PHF20L1: variants seen among roughly 807,000 people sequenced by gnomAD.
PHF20L1 encodes PHD finger protein 20-like protein 1.
PHF20L1 carries 44 observed loss-of-function variants against 125.5 expected under a neutral mutation model. The ratio of observed to expected loss-of-function variants is 0.35; its 90% CI spans 0.28 to 0.45. The LOEUF is 0.45. Among genes scored for constraint, PHF20L1 ranks in the 20% least tolerant of loss-of-function variants. PHF20L1 has a pLI of 1.00. For synonymous variants in PHF20L1, 380 were observed against 403.1 expected (o/e 0.94, Z 0.69); for missense variants, 1,012 against 1,217.2 (o/e 0.83, Z 2.51).
Position 132,840,183 on chromosome 8 carries a change from G to A in PHF20L1, c.2387+601G>A, listed in dbSNP as rs537783729. Among the ~76,000 whole-genome samples, 6 of 152,128 alleles carry A rather than the reference G, an allele frequency of 3.9e-5. No individual in the cohort carries two copies. The East Asian group carries it at 1.2e-3, about 29-fold the overall frequency. ...AAACAAACAAAAACCCACATTTTAG[G>A]TAAAAACAGGATGATTCACTGGTTC... On this transcript the variant is annotated intron_variant, in intron 18 of 20. Transcript: ENST00000395386.
intron 12 of PHF20L1, 151 bp downstream of exon 12, chr8:132,817,696 C>A: frequency 1.6e-6 from 1 of 610,468 alleles, no homozygotes; most frequent in East Asian, 2.8e-5. Context: ...AGAGTTTCAT[C>A]TCCGTTTTAA....
chr8:132,821,320 T>C (rs934340743), intron 12 of PHF20L1, among the ~76,000 whole-genome samples: 4 of 151,954 alleles, frequency 2.6e-5, no homozygotes, highest in Admixed American at 6.6e-5. Context: ...ATATTATCGA[T>C]TGGTTAATAT....
chr8:132,798,681 T>G, intron 4 of PHF20L1, 91 bp from the exon 5 acceptor site: 2 of 743,106 alleles, frequency 2.7e-6, no homozygotes, highest in South Asian at 4.0e-5. Flanking sequence ...CCTAAAGCAT[T>G]TATCTATACA....
At chr8:132,778,600 T>C (rs540046554) in intron 2 of PHF20L1, among the ~76,000 whole-genome samples, 4 of 152,266 alleles carry the variant, frequency 2.6e-5, no homozygotes, top group African/African-American at 7.2e-5. Context: ...AGTTGATGAA[T>C]TGGTATAAAA....
chr8:132,803,977 A>G lies in PHF20L1; in HGVS notation c.666A>G (p.Ile222Met), dbSNP rs746137501. The change falls in exon 7 of 21, where the codon ATA becomes ATG. Residue 222 changes from isoleucine (I) to methionine (M), a missense_variant. Coordinates refer to ENST00000395386, the MANE Select transcript of PHF20L1 (RefSeq NM_016018.5). ...AGAAGGAGGAAACTTCAACTTGTAT[A>G]GCCACACCAGACGTAGAGAAGAAGG... ...PSKKEETSTC[I>M]ATPDVEKKED... is the part of the protein sequence containing the mutation. 5.0e-6 allele frequency: 8 copies of G among 1,612,256 alleles called. No individual in the cohort carries two copies. The highest frequency in any genetic ancestry group is 1.7e-5 in the Admixed American group (1 of 59,896).
intron 2 of PHF20L1, among the ~76,000 whole-genome samples, chr8:132,784,404 C>T (rs1440521865): frequency 6.6e-6 from 1 of 152,072 alleles, no homozygotes; most frequent in Non-Finnish European, 1.5e-5. Context: ...CTTTAATGAC[C>T]TTGAAATGAA....
At chr8:132,791,254 CTTTTT>C (rs1184118420) in intron 2 of PHF20L1, among the ~76,000 whole-genome samples, 1 of 117,132 alleles carries the variant, frequency 8.5e-6, no homozygotes, top group Non-Finnish European at 1.7e-5. Flanking sequence ...GAGTTATTTC[CTTTTT>C]TTTTTTTTTT....
chr8:132,838,305 G>T (rs1837585829), intron 17 of PHF20L1: 1 of 169,346 alleles, frequency 5.9e-6, no homozygotes, highest in African/African-American at 2.4e-5. Context: ...GCTTATTTGT[G>T]GCAATCGGAG....
Position 132,844,251 on chromosome 8 carries a change from T to G in PHF20L1, c.2844T>G (p.Leu948=). ...DSHLQWQLNL[L]THIENVQNEV... ...ATCTTCAGTGGCAGCTCAATCTCCT[T>G]ACACACATAGAAAATGTGCAGAACG... Residue 948 remains leucine, a synonymous_variant, in exon 20 of 21, where the codon CTT becomes CTG. Coordinates refer to ENST00000395386, the MANE Select transcript of PHF20L1 (RefSeq NM_016018.5). The G allele has an allele frequency of 1.2e-6, 2 of 1,612,784 alleles. No individual in the cohort carries two copies. The highest frequency in any genetic ancestry group is 1.7e-6 in the Non-Finnish European group (2 of 1,179,088).
intron 13 of PHF20L1, chr8:132,824,779 A>G (rs944427631): frequency 5.4e-6 from 1 of 186,584 alleles, no homozygotes; most frequent in African/African-American, 2.3e-5. Flanking sequence ...TTAAACACAC[A>G]AAGAATGTAA....
At chr8:132,792,127 A>AT (rs1325732242) in intron 2 of PHF20L1, among the ~76,000 whole-genome samples, 4 of 152,126 alleles carry the variant, frequency 2.6e-5, no homozygotes, top group Admixed American at 6.5e-5. Flanking sequence ...TAAACTCCTT[A>AT]TTTTTTTATT....
At chr8:132,779,584 C>T (rs552916667) in intron 2 of PHF20L1, among the ~76,000 whole-genome samples, 62 of 152,210 alleles carry the variant, frequency 4.1e-4, no homozygotes, top group African/African-American at 1.4e-3. Flanking sequence ...TCCCAACTGA[C>T]GGTGTTGCAG....
At chr8:132,800,264 C>T (rs1466022923) in intron 6 of PHF20L1, among the ~76,000 whole-genome samples, 1 of 151,522 alleles carries the variant, frequency 6.6e-6, no homozygotes, top group Non-Finnish European at 1.5e-5. Context: ...CACTATGATG[C>T]ATTATAACAT....
rs1007883719 is a variant in PHF20L1 at position 132,848,330 on chromosome 8, T to C, written c.*2407T>C. On this transcript the variant is annotated 3_prime_UTR_variant, in exon 21 of 21. Transcript: ENST00000395386. ...ATTTAATATAGAGTATACCAATCGA[T>C]TGAAGCCTTTCACAAGTAGTGCGCT... is the stretch of plus-strand genomic sequence containing the variant. 9.2e-5 allele frequency: 14 copies of C among 152,688 alleles called. No homozygotes were observed. The highest frequency in any genetic ancestry group is 1.5e-4 in the Non-Finnish European group (10 of 67,964). 9.5% of individuals were successfully genotyped at this position (152,688 alleles called of 1,614,324 possible).
intron 12 of PHF20L1, chr8:132,818,514 C>T (rs1441521446): frequency 6.6e-6 from 1 of 151,776 alleles, no homozygotes; most frequent in Non-Finnish European, 1.5e-5. Context: ...ACATAAGAGA[C>T]ATATACTTAT....
chr8:132,845,421 G>A (rs1838337670), intron 20 of PHF20L1, among the ~76,000 whole-genome samples: 1 of 151,990 alleles, frequency 6.6e-6, no homozygotes, highest in African/African-American at 2.4e-5. Context: ...ATAGGGAACT[G>A]TTGTTATCTT....
chr8:132,794,869 C>T (rs1832195674), intron 4 of PHF20L1, 52 bp downstream of exon 4: 2 of 1,164,850 alleles, frequency 1.7e-6, no homozygotes, highest in East Asian at 2.4e-5. Context: ...AGTAAAATTT[C>T]ACTGTATTTT....
intron 9 of PHF20L1, chr8:132,811,950 T>A (rs905097035): frequency 2.2e-5 from 22 of 979,892 alleles, no homozygotes; most frequent in African/African-American, 3.5e-5. Flanking sequence ...CTCCTCTAGA[T>A]GCGTTTTAAA....
At chr8:132,805,623 C>CT (rs1833599452) in intron 8 of PHF20L1, among the ~76,000 whole-genome samples, 1 of 151,876 alleles carries the variant, frequency 6.6e-6, no homozygotes, top group Admixed American at 6.6e-5. Context: ...TGTTTGTTGG[C>CT]TTCAACTTGA....
Sources: gnomAD v4.1 joint callset for allele counts (sites outside exome capture counted in the v4.1 genomes callset) on GRCh38, gnomAD v4.1.1 for gene constraint, MANE v1.5 for transcripts, NCBI Gene and HGNC (gene_info 2026-07-23, HGNC 2026-07-21) for gene names.